SVIL: variants seen among roughly 807,000 people sequenced by gnomAD.
SVIL encodes supervillin.
Under a neutral mutation model 240.4 loss-of-function variants are expected in SVIL, and 101 were observed. That is an observed-to-expected ratio of 0.42 (90% CI 0.36 to 0.50). The LOEUF is 0.50. SVIL is among the 20% of genes least tolerant of loss of function. The pLI is 0.01. For missense variants in SVIL, 2,512 were observed against 2,818.7 expected, an observed-to-expected ratio of 0.89 and a Z score of 2.46; for synonymous variants, 999 against 1,100.0, an observed-to-expected ratio of 0.91 and a Z score of 1.82.
chr10:29,463,604 C>G lies in SVIL; in HGVS notation c.6165G>C (p.Val2055=). ...TGGGCCACCAGCCTTGCCAGAGGTACACCTCGTGGTGATTGTCAACAAGGA... is the reference window on the plus strand; with the variant it reads ...TGGGCCACCAGCCTTGCCAGAGGTAGACCTCGTGGTGATTGTCAACAAGGA... The part of the protein sequence containing the change: ...ALFLVDNHHE[V]YLWQGWWPIE... The change falls in exon 35 of 38, where the codon GTG becomes GTC. Residue 2055 remains valine (V), a synonymous_variant. Transcript: ENST00000355867. The G allele has an allele frequency of 6.2e-7, 1 of 1,614,144 alleles. No individual in the cohort carries two copies. The highest frequency in any genetic ancestry group is 8.5e-7 in the Non-Finnish European group (1 of 1,180,018).
intron 1 of SVIL, among the ~76,000 whole-genome samples, chr10:29,696,725 C>T (rs569441635): frequency 2.0e-5 from 3 of 150,592 alleles, no homozygotes; most frequent in South Asian, 2.1e-4. Flanking sequence ...GCAACCGCCC[C>T]GTCTGAGAAG....
At chr10:29,494,611 A>C (rs1026969344) in intron 20 of SVIL, among the ~76,000 whole-genome samples, 7 of 152,232 alleles carry the variant, frequency 4.6e-5, no homozygotes, top group Admixed American at 3.3e-4. Flanking sequence ...TTGATAACAT[A>C]CAATTTAAAG....
chr10:29,457,567 G>T lies in SVIL; in HGVS notation c.*680C>A, dbSNP rs1043437639. 2.0e-5 allele frequency: 3 copies of T among 152,702 alleles called. No homozygotes were observed. The highest frequency in any genetic ancestry group is 7.2e-5 in the African/African-American group (3 of 41,546). The allele number at this position is 152,702 out of a possible 1,614,324, so 9.5% of individuals were successfully genotyped here. ...TAAAAACAAGGCACTATACATTTTTGGGGAGATATTAAGGTAGAAAGGTTG... is the reference window on the plus strand; with the variant it reads ...TAAAAACAAGGCACTATACATTTTTTGGGAGATATTAAGGTAGAAAGGTTG... On this transcript the variant is annotated 3_prime_UTR_variant, in exon 38 of 38. Transcript: ENST00000355867.
At chr10:29,688,985 G>A (rs925394291) in intron 1 of SVIL, among the ~76,000 whole-genome samples, 2 of 152,134 alleles carry the variant, frequency 1.3e-5, no homozygotes, top group African/African-American at 2.4e-5. Flanking sequence ...ATTACATATG[G>A]ATGAAGATAC....
intron 7 of SVIL, among the ~76,000 whole-genome samples, 163 bp downstream of exon 7, chr10:29,535,826 T>C (rs1458575868): frequency 2.0e-5 from 3 of 152,220 alleles, no homozygotes; most frequent in African/African-American, 4.8e-5. Flanking sequence ...GATTAGGGCA[T>C]GTGGAGGGGA....
At chr10:29,591,079 G>A (rs1466779766) in intron 1 of SVIL, among the ~76,000 whole-genome samples, 1 of 152,228 alleles carries the variant, frequency 6.6e-6, no homozygotes, top group African/African-American at 2.4e-5. Flanking sequence ...TGTGGATACA[G>A]TGAGACAAAC....
chr10:29,595,168 C>A (rs949258054), intron 1 of SVIL, among the ~76,000 whole-genome samples: 12 of 152,122 alleles, frequency 7.9e-5, no homozygotes, highest in Non-Finnish European at 1.5e-4. Flanking sequence ...CTCTGTTCTG[C>A]GGGCATGGAA....
intron 22 of SVIL, among the ~76,000 whole-genome samples, chr10:29,489,621 C>T (rs1339204874): frequency 5.9e-5 from 9 of 152,112 alleles, no homozygotes; most frequent in Admixed American, 2.6e-4. Flanking sequence ...AGTCATGGCT[C>T]ACTGCAGCCT....
intron 5 of SVIL, among the ~76,000 whole-genome samples, chr10:29,553,450 G>A (rs1257825534): frequency 2.6e-5 from 4 of 152,008 alleles, no homozygotes; most frequent in African/African-American, 7.2e-5. Context: ...GTATGGTGGC[G>A]GGCACCTGTA....
intron 1 of SVIL, among the ~76,000 whole-genome samples, chr10:29,724,856 C>T (rs7075682): frequency 0.81 from 122,148 of 151,572 alleles, 49,727 homozygotes; most frequent in East Asian, 0.95. Context: ...ACCCCGTCTC[C>T]ACCAAAAATA....
At chr10:29,718,159 C>G (rs1963745808) in intron 1 of SVIL, among the ~76,000 whole-genome samples, 1 of 151,978 alleles carries the variant, frequency 6.6e-6, no homozygotes, top group Admixed American at 6.6e-5. Flanking sequence ...AATCCCGTTT[C>G]TACTAAAAAT....
At chr10:29,719,874 G>T (rs1300034947) in intron 1 of SVIL, among the ~76,000 whole-genome samples, 3 of 152,168 alleles carry the variant, frequency 2.0e-5, no homozygotes, top group Admixed American at 2.0e-4. Context: ...CACATGGGGG[G>T]CACAGAGGGA....
At chr10:29,543,324 G>A (rs1459628610) in intron 6 of SVIL, among the ~76,000 whole-genome samples, 1 of 152,214 alleles carries the variant, frequency 6.6e-6, no homozygotes, top group Non-Finnish European at 1.5e-5. Context: ...GGCCCTATTA[G>A]AAAGAGATAT....
At chr10:29,729,865 G>A (rs1259128443) in intron 1 of SVIL, among the ~76,000 whole-genome samples, 1 of 143,314 alleles carries the variant, frequency 7.0e-6, no homozygotes, top group Non-Finnish European at 1.5e-5. Context: ...AAAAAAGGTG[G>A]CAATTGCTCT....
At chr10:29,633,233 T>C (rs1958174489) in intron 1 of SVIL, among the ~76,000 whole-genome samples, 1 of 78,894 alleles carries the variant, frequency 1.3e-5, no homozygotes, top group Non-Finnish European at 2.3e-5. Context: ...CGAGACTCCA[T>C]CTCAAAAAAA....
At chr10:29,679,801 C>T (rs566592508) in intron 2 of SVIL, among the ~76,000 whole-genome samples, 37 of 151,218 alleles carry the variant, frequency 2.4e-4, no homozygotes, top group South Asian at 1.5e-3. Flanking sequence ...TACAGAAGTT[C>T]GTTTACAGAA....
chr10:29,529,617 A>G (rs904352402), intron 12 of SVIL, 88 bp downstream of exon 12: 1 of 1,424,844 alleles, frequency 7.0e-7, no homozygotes, highest in South Asian at 1.6e-5. Flanking sequence ...CACCTCCCCA[A>G]TGCCTCATTT....
At chr10:29,682,374 A>G (rs1016334709) in intron 2 of SVIL, among the ~76,000 whole-genome samples, 13 of 152,194 alleles carry the variant, frequency 8.5e-5, no homozygotes, top group Non-Finnish European at 2.9e-5. Flanking sequence ...CAGTTTAGCC[A>G]GAGAGACACA....
At chr10:29,730,702 C>T (rs1964568941) in intron 1 of SVIL, among the ~76,000 whole-genome samples, 1 of 152,208 alleles carries the variant, frequency 6.6e-6, no homozygotes, top group African/African-American at 2.4e-5. Context: ...ATCAGGGGAT[C>T]TGAAGCAACA....
Sources: allele counts gnomAD v4.1 joint callset (sites outside exome capture counted in the v4.1 genomes callset), GRCh38; gene constraint gnomAD v4.1.1; transcripts MANE v1.5; gene names NCBI Gene and HGNC (gene_info 2026-07-23, HGNC 2026-07-21).